The following OR2T12 variants were observed in gnomAD, a reference collection of about 807,000 sequenced individuals.
OR2T12 encodes the protein olfactory receptor 2T12.
For missense variants in OR2T12, 335 were observed against 404.3 expected (o/e 0.83, Z 1.47); for synonymous variants, 127 against 160.5 (o/e 0.79, Z 1.58).
At chr1:248,298,860 G>T in intron 2 of OR2T12, among the ~76,000 whole-genome samples, 1 of 151,582 alleles carries the variant, frequency 6.6e-6, no homozygotes. Flanking sequence ...CTTCAGTTCT[G>T]CTCTGATTTT....
At position 248,294,488 on chromosome 1, in the gene OR2T12, A is replaced by G. The variant is rs565716722; in HGVS notation, c.*128T>C. ...TCTGTCAATACAATTGGCTCACTTC[A>G]TTCTTAAAAATATCTTATTATATCA... is the stretch of plus-strand genomic sequence containing the variant. On this transcript the variant is annotated 3_prime_UTR_variant, in exon 3 of 3. Transcript: ENST00000641276. The G allele has an allele frequency of 2.3e-6, 3 of 1,293,248 alleles. No homozygotes were observed. The South Asian group carries it at 4.5e-5, about 19-fold the overall frequency. The allele number at this position is 1,293,248 out of a possible 1,614,324, so 80.1% of individuals were successfully genotyped here. A position where few individuals can be genotyped will look rare whatever the true frequency, so the allele number is the denominator to read the frequency against.
rs546093755 is a variant in OR2T12, at chr1:248,300,642, C to G, written c.-9+731G>C. On this transcript the variant is annotated intron_variant, in intron 2 of 2. Transcript: ENST00000641276. The stretch of plus-strand genomic sequence containing the variant: ...ACTCATCTCAACTTACTTTATGGAA[C>G]CACCTATTTTGACCATCATACCATA... Among the ~76,000 whole-genome samples the G allele has an allele frequency of 3.9e-5, 6 of 152,208 alleles. No homozygotes were observed. The South Asian group carries it at 1.2e-3, about 32-fold the overall frequency.
intron 2 of OR2T12, 65 bp from the exon 3 acceptor site, chr1:248,295,651 T>C (rs1447746538): frequency 8.6e-6 from 13 of 1,517,362 alleles, no homozygotes; most frequent in African/African-American, 1.4e-5. Context: ...AATAACTGTT[T>C]GACTGCACAG....
At chr1:248,300,175 A>T (rs1379457184) in intron 2 of OR2T12, among the ~76,000 whole-genome samples, 1 of 152,190 alleles carries the variant, frequency 6.6e-6, no homozygotes, top group Non-Finnish European at 1.5e-5. Flanking sequence ...ATATGTCTCC[A>T]AAGCAAACAG....
chr1:248,297,865 T>C (rs1659755991), intron 2 of OR2T12, among the ~76,000 whole-genome samples: 1 of 150,266 alleles, frequency 6.7e-6, no homozygotes, highest in Non-Finnish European at 1.5e-5. Flanking sequence ...CTAATTGCCC[T>C]GGCCAGAACT....
At chr1:248,295,966 C>T (rs1659719821) in intron 2 of OR2T12, among the ~76,000 whole-genome samples, 1 of 151,966 alleles carries the variant, frequency 6.6e-6, no homozygotes, top group South Asian at 2.1e-4. Flanking sequence ...AACTCCTCAT[C>T]TAGCATTAGG....
Position 248,290,866 on chromosome 1 carries a change from G to T in OR2T12, c.*3750C>A, listed in dbSNP as rs1461567659. ...ATTGCCATTCTAACTGATGTGACATGGTATCTCACTGTGGTTTCGATTTGC... is the reference window on the plus strand; with the variant it reads ...ATTGCCATTCTAACTGATGTGACATTGTATCTCACTGTGGTTTCGATTTGC... On this transcript the variant is annotated 3_prime_UTR_variant, in exon 3 of 3. Transcript: ENST00000641276. The T allele has an allele frequency of 6.6e-6, 1 of 152,018 alleles. No individual in the cohort carries two copies. Among genetic ancestry groups the T allele is most frequent in the Non-Finnish European group, 1.5e-5 (1 of 67,996 alleles). The allele number at this position is 152,018 out of a possible 1,614,324, so 9.4% of individuals were successfully genotyped here. A position where few individuals can be genotyped will look rare whatever the true frequency, so the allele number is the denominator to read the frequency against.
chr1:248,297,395 T>G (rs1019695151), intron 2 of OR2T12, among the ~76,000 whole-genome samples: 4 of 152,094 alleles, frequency 2.6e-5, no homozygotes, highest in South Asian at 2.1e-4. Flanking sequence ...GTGAAGAAAG[T>G]CATTGGTACC....
In OR2T12 at chr1:248,291,172, A is replaced by G. The variant is rs1373533100; in HGVS notation, c.*3444T>C. 6.6e-6 allele frequency: 1 copy of G among 152,176 alleles called. No individual in the cohort carries two copies. The highest frequency in any genetic ancestry group is 1.5e-5 in the Non-Finnish European group (1 of 68,020). 9.4% of individuals were successfully genotyped at this position (152,176 alleles called of 1,614,324 possible). A position where few individuals can be genotyped will look rare whatever the true frequency, so the allele number is the denominator to read the frequency against. On this transcript the variant is annotated 3_prime_UTR_variant, in exon 3 of 3. Coordinates refer to ENST00000641276, the MANE Select transcript of OR2T12 (RefSeq NM_001004692.2). Reference sequence around the variant, plus strand: ...CAAACTGCCTCTGTTTGCAGATTACATGATTGCATATTTAGAACACCCCAT... The same window carrying G: ...CAAACTGCCTCTGTTTGCAGATTACGTGATTGCATATTTAGAACACCCCAT...
In OR2T12 at chr1:248,295,396, C is replaced by G. The variant is rs1659706188; in HGVS notation, c.183G>C (p.Leu61=). The change falls in exon 3 of 3, where the codon CTG becomes CTC. Residue 61 remains leucine, a synonymous_variant. Coordinates refer to ENST00000641276, the MANE Select transcript of OR2T12 (RefSeq NM_001004692.2). Reference sequence around the variant, plus strand: ...TCATGTCCATGAGGGAAAGTTGGCTCAGGAGGAAGTACATGGGCCTGTGGA... The same window carrying G: ...TCATGTCCATGAGGGAAAGTTGGCTGAGGAGGAAGTACATGGGCCTGTGGA... The part of the protein sequence containing the change: ...HRLHRPMYFL[L]SQLSLMDMML... The G allele has an allele frequency of 6.2e-7, 1 of 1,602,692 alleles. No homozygotes were observed. The highest frequency in any genetic ancestry group is 1.4e-5 in the African/African-American group (1 of 73,748).
Position 248,295,493 on chromosome 1 carries a change from A to G in OR2T12, c.86T>C (p.Leu29Pro). The part of the protein sequence containing the change: ...TRAHQVLFMM[L>P]LATVLTSLFS... ...CAGGGAGGTCAAAACGGTGGCCAGAAGCATCATGAAGAGGACTTGGTGGGC... is the reference window on the plus strand; with the variant it reads ...CAGGGAGGTCAAAACGGTGGCCAGAGGCATCATGAAGAGGACTTGGTGGGC... Residue 29 changes from leucine to proline, a missense_variant, in exon 3 of 3, where the codon CTT becomes CCT. Transcript: ENST00000641276. The G allele has an allele frequency of 1.9e-6, 3 of 1,613,264 alleles. No homozygotes were observed. The highest frequency in any genetic ancestry group is 2.5e-6 in the Non-Finnish European group (3 of 1,179,758).
chr1:248,303,043 G>A (rs766970829), intron 1 of OR2T12, among the ~76,000 whole-genome samples: 22 of 152,176 alleles, frequency 1.4e-4, no homozygotes, highest in South Asian at 2.1e-4. Flanking sequence ...CATCTGCTAC[G>A]TTTCTCCTCT....
Position 248,295,289 on chromosome 1 carries a change from A to G in OR2T12, c.290T>C (p.Val97Ala), listed in dbSNP as rs376250196. 8.1e-6 allele frequency: 13 copies of G among 1,608,848 alleles called. No homozygotes were observed. The African/African-American group carries it at 1.8e-4, about 22-fold the overall frequency. The change falls in exon 3 of 3, where the codon GTG (valine) becomes GCG (alanine). Residue 97 changes from valine (V) to alanine (A), a missense_variant. Val to Ala is a moderately conservative substitution (Grantham distance 64). Coordinates refer to ENST00000641276, the MANE Select transcript of OR2T12 (RefSeq NM_001004692.2). ...CAGTGTGGGGAGGAAGAAGATCTGC[A>G]CACCACAGCCAGCGCGGGAGATGGC... is the stretch of plus-strand genomic sequence containing the variant. ...NKAISRAGCG[V>A]QIFFLPTLGG...
At position 248,291,471 on chromosome 1, in the gene OR2T12, T is replaced by TC. The variant is rs1366353676; in HGVS notation, c.*3144dup. 6.6e-6 allele frequency: 1 copy of TC among 152,106 alleles called. No homozygotes were observed. Among genetic ancestry groups the TC allele is most frequent in the East Asian group, 1.9e-4 (1 of 5,204 alleles). 9.4% of individuals were successfully genotyped at this position (152,106 alleles called of 1,614,324 possible). A position where few individuals can be genotyped will look rare whatever the true frequency, so the allele number is the denominator to read the frequency against. ...AAACAAATGAAAAAATATTCCATGCTCATGGATAGGAAGAATCAATACCAT... is the reference window on the plus strand; with the variant it reads ...AAACAAATGAAAAAATATTCCATGCTCCATGGATAGGAAGAATCAATACCAT... On this transcript the variant is annotated 3_prime_UTR_variant, in exon 3 of 3. Coordinates refer to ENST00000641276, the MANE Select transcript of OR2T12 (RefSeq NM_001004692.2).
intron 2 of OR2T12, 79 bp from the exon 3 acceptor site, chr1:248,295,665 C>G (rs986547266): frequency 6.6e-6 from 10 of 1,505,234 alleles, no homozygotes; most frequent in African/African-American, 1.4e-5. Flanking sequence ...TGCACAGTTT[C>G]TGGACATATG....
At position 248,295,020 on chromosome 1, in the gene OR2T12, A is replaced by C. The variant is rs754204637; in HGVS notation, c.559T>G (p.Cys187Gly). ...CEAPVLVRLA[C>G]ADTSVFENAM... is the part of the protein sequence containing the mutation. ...TTTTCGAAGACTGAAGTGTCAGCAC[A>C]AGCCAAACGCACCAACACGGGGGCC... is the stretch of plus-strand genomic sequence containing the variant. The change falls in exon 3 of 3, where the codon TGT (cysteine) becomes GGT (glycine). Residue 187 changes from cysteine (C) to glycine (G), a missense_variant. Cys to Gly is a radical substitution (Grantham distance 159). Coordinates refer to ENST00000641276, the MANE Select transcript of OR2T12 (RefSeq NM_001004692.2). 1 of 1,610,832 alleles carries C rather than the reference A, an allele frequency of 6.2e-7. No individual in the cohort carries two copies. The highest frequency in any genetic ancestry group is 1.1e-5 in the South Asian group (1 of 90,906).
intron 2 of OR2T12, among the ~76,000 whole-genome samples, chr1:248,296,342 T>C (rs556665955): frequency 6.6e-6 from 1 of 152,322 alleles, no homozygotes; most frequent in East Asian, 1.9e-4. Context: ...TATAGCACCA[T>C]GATTTATAGA....
intron 2 of OR2T12, among the ~76,000 whole-genome samples, chr1:248,300,592 G>A (rs1479460242): frequency 6.6e-6 from 1 of 152,074 alleles, no homozygotes; most frequent in Non-Finnish European, 1.5e-5. Context: ...CAGTGCTTAT[G>A]AGCGGAATTC....
chr1:248,290,267 GA>G lies in OR2T12; in HGVS notation c.*4348del, dbSNP rs910723058. 6.6e-6 allele frequency: 1 copy of G among 152,134 alleles called. No homozygotes were observed. Among genetic ancestry groups the G allele is most frequent in the African/African-American group, 2.4e-5 (1 of 41,416 alleles). 9.4% of individuals were successfully genotyped at this position (152,134 alleles called of 1,614,324 possible). ...AACCCTGACAAAAACAAGCAATGGG[GA>G]AAGGATTCCCTATTTAATTCCACTT... On this transcript the variant is annotated 3_prime_UTR_variant, in exon 3 of 3. Transcript: ENST00000641276.
Sources: allele counts gnomAD v4.1 joint callset (sites outside exome capture counted in the v4.1 genomes callset), GRCh38; gene constraint gnomAD v4.1.1; transcripts MANE v1.5; gene names NCBI Gene and HGNC (gene_info 2026-07-23, HGNC 2026-07-21).